Variants in DLG5 observed in about 807,000 individuals in gnomAD.
DLG5 encodes disks large homolog 5.
A neutral mutation model predicts 189.8 loss-of-function variants in DLG5; 48 were observed. The ratio of observed to expected loss-of-function variants is 0.25; its 90% CI spans 0.20 to 0.32. The LOEUF is 0.32. Among genes scored for constraint, DLG5 ranks in the 10% least tolerant of loss-of-function variants. DLG5 has a pLI of 1.00. For synonymous variants in DLG5, 1,016 were observed against 1,054.1 expected, an observed-to-expected ratio of 0.96 and a Z score of 0.70; for missense variants, 2,160 against 2,544.7, an observed-to-expected ratio of 0.85 and a Z score of 3.25.
At chr10:77,811,289 C>T (rs2154575286) in intron 22 of DLG5, 55 bp from the exon 23 acceptor site, 1 of 1,572,800 alleles carries the variant, frequency 6.4e-7, no homozygotes, top group Non-Finnish European at 8.6e-7. Context: ...CCAGAGCCAC[C>T]CCCACTCCTG....
chr10:77,829,117 C>T (rs751531032), intron 12 of DLG5, 132 bp from the exon 13 acceptor site: 2 of 1,075,982 alleles, frequency 1.9e-6, no homozygotes, highest in Non-Finnish European at 2.7e-6. Context: ...ACGCCTGCAC[C>T]CTGCCCCAGT....
intron 1 of DLG5, among the ~76,000 whole-genome samples, chr10:77,908,072 G>C (rs1322460325): frequency 6.6e-6 from 1 of 152,116 alleles, no homozygotes; most frequent in East Asian, 1.9e-4. Context: ...TCCCACTGCA[G>C]AGGTGAGGAC....
intron 1 of DLG5, among the ~76,000 whole-genome samples, chr10:77,880,000 T>C (rs1357242087): frequency 6.6e-6 from 1 of 152,100 alleles, no homozygotes; most frequent in Non-Finnish European, 1.5e-5. Flanking sequence ...TGATGAGCCT[T>C]GATAAAATCA....
At position 77,800,121 on chromosome 10, in the gene DLG5, A is replaced by T. The variant is rs568642255; in HGVS notation, c.5165-3527T>A. Among the ~76,000 whole-genome samples, 3 of 152,330 alleles carry T rather than the reference A, an allele frequency of 2.0e-5. No homozygotes were observed. In the South Asian group the frequency reaches 6.2e-4, roughly 32 times the overall value. On this transcript the variant is annotated intron_variant, in intron 27 of 31. Transcript: ENST00000372391. The stretch of plus-strand genomic sequence containing the variant: ...GGGGGTACCAGGGATGCTATGCAGC[A>T]GTTGGAAGCAATAAACTAAAGCAGG...
At chr10:77,904,434 A>C (rs1472918329) in intron 1 of DLG5, among the ~76,000 whole-genome samples, 1 of 152,074 alleles carries the variant, frequency 6.6e-6, no homozygotes. Flanking sequence ...AAATGTGAGG[A>C]CCTGAGATTT....
intron 29 of DLG5, among the ~76,000 whole-genome samples, chr10:77,795,546 G>T (rs1397598380): frequency 6.6e-6 from 1 of 152,108 alleles, no homozygotes; most frequent in Non-Finnish European, 1.5e-5. Flanking sequence ...AGCCCAAGGA[G>T]CGGCTGTGTC....
chr10:77,920,896 T>C (rs1161782998), intron 1 of DLG5, among the ~76,000 whole-genome samples: 1 of 152,212 alleles, frequency 6.6e-6, no homozygotes, highest in Non-Finnish European at 1.5e-5. Flanking sequence ...CATTTCTCTT[T>C]TTCTACCTAA....
Position 77,791,520 on chromosome 10 carries a change from A to G in DLG5, c.*920T>C, listed in dbSNP as rs1378811697. ...CAATGTCTGAAACATGAATGTTTTCATATCAAAAAGAACTGATGTACCTGC... is the reference window on the plus strand; with the variant it reads ...CAATGTCTGAAACATGAATGTTTTCGTATCAAAAAGAACTGATGTACCTGC... On this transcript the variant is annotated 3_prime_UTR_variant, in exon 32 of 32. Coordinates refer to ENST00000372391, the MANE Select transcript of DLG5 (RefSeq NM_004747.4). 6.6e-6 allele frequency: 1 copy of G among 152,228 alleles called. No homozygotes were observed. The highest frequency in any genetic ancestry group is 2.4e-5 in the African/African-American group (1 of 41,460). 9.4% of individuals were successfully genotyped at this position (152,228 alleles called of 1,614,324 possible).
At chr10:77,868,558 G>GA (rs889836802) in intron 2 of DLG5, 6 of 257,364 alleles carry the variant, frequency 2.3e-5, no homozygotes, top group African/African-American at 1.4e-4. Context: ...ACTCACCACT[G>GA]AAGGTGTCTG....
intron 2 of DLG5, chr10:77,867,963 T>A (rs1371357507): frequency 2.2e-6 from 1 of 456,660 alleles, no homozygotes; most frequent in African/African-American, 2.0e-5. Context: ...GAGAACATCA[T>A]GTGAACACAA....
At chr10:77,880,554 A>C (rs1845247018) in intron 1 of DLG5, among the ~76,000 whole-genome samples, 1 of 152,128 alleles carries the variant, frequency 6.6e-6, no homozygotes, top group Non-Finnish European at 1.5e-5. Context: ...CTTAATGGTG[A>C]AGGTAAGACA....
At chr10:77,934,862 T>C in the DLG5 span, among the ~76,000 whole-genome samples, 5 of 99,392 alleles carry the variant, frequency 5.0e-5, no homozygotes, top group Non-Finnish European at 1.8e-5. Flanking sequence ...GTTTTTTTGT[T>C]TTTTTTTTTT....
At chr10:77,893,126 T>C (rs769540512) in intron 1 of DLG5, among the ~76,000 whole-genome samples, 2 of 152,158 alleles carry the variant, frequency 1.3e-5, no homozygotes, top group Non-Finnish European at 2.9e-5. Flanking sequence ...CCATTCTTGA[T>C]TGCAGGACAA....
intron 14 of DLG5, among the ~76,000 whole-genome samples, chr10:77,823,677 T>C (rs1372315055): frequency 6.6e-6 from 1 of 152,044 alleles, no homozygotes; most frequent in East Asian, 1.9e-4. Context: ...ATTACAGGAA[T>C]GCACCATCAC....
chr10:77,814,848 C>A (rs1300514402), intron 20 of DLG5, among the ~76,000 whole-genome samples: 1 of 152,082 alleles, frequency 6.6e-6, no homozygotes, highest in Non-Finnish European at 1.5e-5. Context: ...AGGTGTGAAC[C>A]ACAGCACTCG....
At chr10:77,866,757 G>C (rs1411421817) in intron 2 of DLG5, 2 of 349,480 alleles carry the variant, frequency 5.7e-6, no homozygotes, top group Admixed American at 7.7e-5. Flanking sequence ...GGGCAGAGCT[G>C]CATCCCCATG....
Position 77,819,419 on chromosome 10 carries a change from G to A in DLG5, c.3573C>T (p.Ile1191=), listed in dbSNP as rs1171855515. Residue 1191 remains isoleucine, a synonymous_variant, in exon 17 of 32, where the codon ATC becomes ATT. Transcript: ENST00000372391. ...SLTPSTTVSS[I]LRNPIYTVRS... is the part of the protein sequence containing the mutation. The stretch of plus-strand genomic sequence containing the variant: ...GCACAGTGTAGATGGGGTTCCGCAG[G>A]ATGGAGCTCACAGTGGTGCTGGGGG... 5 of 1,613,668 alleles carry A rather than the reference G, an allele frequency of 3.1e-6. No individual in the cohort carries two copies. In the South Asian group the frequency reaches 3.3e-5, roughly 11 times the overall value.
chr10:77,830,718 A>G, intron 10 of DLG5, 23 bp downstream of exon 10: 2 of 1,612,492 alleles, frequency 1.2e-6, no homozygotes, highest in Admixed American at 1.7e-5. Context: ...AGAAGGAGAG[A>G]AGAACCATCA....
chr10:77,878,378 A>G (rs1302711629), intron 1 of DLG5, among the ~76,000 whole-genome samples: 2 of 152,250 alleles, frequency 1.3e-5, no homozygotes, highest in Non-Finnish European at 2.9e-5. Flanking sequence ...GAACAGAGCC[A>G]GGCGCACAGC....
Sources: allele counts gnomAD v4.1 joint callset (sites outside exome capture counted in the v4.1 genomes callset), GRCh38; gene constraint gnomAD v4.1.1; transcripts MANE v1.5; gene names NCBI Gene and HGNC (gene_info 2026-07-23, HGNC 2026-07-21).